Variants in FAM114A1 observed in about 807,000 individuals in gnomAD.
FAM114A1 encodes the protein family with sequence similarity 114 member A1.
In FAM114A1, 62 loss-of-function variants were observed where a neutral mutation model predicts 64.3. The observed-to-expected ratio is 0.96, with a 90% CI of 0.79 to 1.19. FAM114A1 has a LOEUF of 1.19. Among genes scored for constraint, FAM114A1 ranks in the 50% most tolerant of loss-of-function variants. FAM114A1 has a pLI of 0.00. For synonymous variants in FAM114A1, 254 were observed against 251.1 expected (o/e 1.01, Z -0.11); for missense variants, 645 against 676.3 (o/e 0.95, Z 0.51).
At position 38,905,571 on chromosome 4, in the gene FAM114A1, T is replaced by A; in HGVS notation, c.486T>A (p.Ile162=). Residue 162 remains isoleucine (I), a synonymous_variant, in exon 5 of 15, where the codon ATT becomes ATA. Transcript: ENST00000358869. ...VKEKAGATLR[I]HGVNSGSSEG... ...AAAAAGCAGGAGCCACTCTACGGATTCATGGTGTAAATTCTGGATCTTCTG... is the reference window on the plus strand; with the variant it reads ...AAAAAGCAGGAGCCACTCTACGGATACATGGTGTAAATTCTGGATCTTCTG... 1.2e-6 allele frequency: 2 copies of A among 1,614,162 alleles called. No homozygotes were observed. Among genetic ancestry groups the A allele is most frequent in the Non-Finnish European group, 1.7e-6 (2 of 1,180,024 alleles).
At chr4:38,893,167 C>T (rs1432904220) in intron 4 of FAM114A1, among the ~76,000 whole-genome samples, 1 of 152,278 alleles carries the variant, frequency 6.6e-6, no homozygotes, top group East Asian at 1.9e-4. Context: ...CACCTGCAGG[C>T]ATCCTCTGTC....
chr4:38,886,572 G>A (rs1269221443), intron 3 of FAM114A1, among the ~76,000 whole-genome samples: 1 of 151,972 alleles, frequency 6.6e-6, no homozygotes, highest in Non-Finnish European at 1.5e-5. Context: ...TTCATTTGTT[G>A]GCTTTAAGAT....
Position 38,878,348 on chromosome 4 carries a change from A to C in FAM114A1, c.270A>C (p.Thr90=). 6.2e-7 allele frequency: 1 copy of C among 1,614,046 alleles called. No homozygotes were observed. The highest frequency in any genetic ancestry group is 8.5e-7 in the Non-Finnish European group (1 of 1,179,958). ...TCAATGGAGACGTGACTGAGGATAC[A>C]CTTGCTGAATGTATTGATTCCGTCA... The part of the protein sequence containing the change: ...PPLNGDVTED[T]LAECIDSVSL... The change falls in exon 3 of 15, where the codon ACA becomes ACC. Residue 90 remains threonine, a synonymous_variant. Coordinates refer to ENST00000358869, the MANE Select transcript of FAM114A1 (RefSeq NM_138389.4).
At chr4:38,886,314 G>T (rs901137028) in intron 3 of FAM114A1, among the ~76,000 whole-genome samples, 2 of 151,676 alleles carry the variant, frequency 1.3e-5, no homozygotes, top group African/African-American at 4.8e-5. Flanking sequence ...CGGGATTACA[G>T]CATGCGCCAC....
In FAM114A1 at chr4:38,874,615, T is replaced by C. The variant is rs946510208; in HGVS notation, c.-8-3456T>C. On this transcript the variant is annotated intron_variant, in intron 2 of 14. Transcript: ENST00000358869. ...AAATATTTTCTGCCATTATGTAAGTTGTCTATTTATTCTGTTGGTAGTTTC... is the reference window on the plus strand; with the variant it reads ...AAATATTTTCTGCCATTATGTAAGTCGTCTATTTATTCTGTTGGTAGTTTC... Among the ~76,000 whole-genome samples the C allele has an allele frequency of 3.3e-5, 5 of 152,318 alleles. No individual in the cohort carries two copies. In the Middle Eastern group the frequency reaches 0.01, roughly 311 times the overall value.
chr4:38,868,056 TGA>T, intron 1 of FAM114A1: 1 of 421,802 alleles, frequency 2.4e-6, no homozygotes. Flanking sequence ...TGCGGGCGTG[TGA>T]GTGTGTGTGT....
At chr4:38,877,029 AC>A in intron 2 of FAM114A1, among the ~76,000 whole-genome samples, 1 of 152,118 alleles carries the variant, frequency 6.6e-6, no homozygotes, top group Non-Finnish European at 1.5e-5. Flanking sequence ...TATCTTACTC[AC>A]ATCTGCAAGG....
intron 2 of FAM114A1, among the ~76,000 whole-genome samples, chr4:38,874,595 T>C (rs541023204): frequency 6.6e-6 from 1 of 152,342 alleles, no homozygotes; most frequent in African/African-American, 2.4e-5. Flanking sequence ...GTTGCAAATA[T>C]TTTCTGCCAT....
intron 12 of FAM114A1, among the ~76,000 whole-genome samples, chr4:38,932,916 C>T (rs1300071045): frequency 4.7e-5 from 7 of 149,870 alleles, no homozygotes; most frequent in East Asian, 2.0e-4. Context: ...TACAGTGTCA[C>T]GATCTCAACT....
At chr4:38,889,226 G>T (rs1332573923) in intron 3 of FAM114A1, among the ~76,000 whole-genome samples, 1 of 152,132 alleles carries the variant, frequency 6.6e-6, no homozygotes, top group East Asian at 1.9e-4. Context: ...GTGAAAGAAT[G>T]ATATTAATCA....
chr4:38,944,068 C>CTT lies in FAM114A1; in HGVS notation c.*529_*530dup, dbSNP rs749204163. ...TAAAAAATAGGAACATATTGTCATT[C>CTT]TTTTTTTTTTTTTTTTTTTGAGACA... is the stretch of plus-strand genomic sequence containing the variant. On this transcript the variant is annotated 3_prime_UTR_variant, in exon 15 of 15. Coordinates refer to ENST00000358869, the MANE Select transcript of FAM114A1 (RefSeq NM_138389.4). 2.2e-4 allele frequency: 27 copies of CTT among 122,166 alleles called. No homozygotes were observed. The highest frequency in any genetic ancestry group is 1.0e-3 in the South Asian group (4 of 3,816). 7.6% of individuals were successfully genotyped at this position (122,166 alleles called of 1,614,324 possible).
intron 6 of FAM114A1, among the ~76,000 whole-genome samples, chr4:38,907,681 A>C (rs1051693289): frequency 6.6e-6 from 1 of 152,246 alleles, no homozygotes; most frequent in African/African-American, 2.4e-5. Flanking sequence ...CTATGAAATT[A>C]AATACTTCTA....
intron 12 of FAM114A1, 66 bp from the exon 13 acceptor site, chr4:38,935,652 G>A (rs1721015138): frequency 8.8e-7 from 1 of 1,132,808 alleles, no homozygotes. Context: ...ATCAGAAATG[G>A]TCGTGACAGT....
rs750706085 is a variant in FAM114A1, at chr4:38,905,493, T to G, written c.437-29T>G. On this transcript the variant is annotated intron_variant, in intron 4 of 14. Coordinates refer to ENST00000358869, the MANE Select transcript of FAM114A1 (RefSeq NM_138389.4). The stretch of plus-strand genomic sequence containing the variant: ...TTGCAGACCGTGGATTTCTAATGTA[T>G]CCATGAACCATATTTTTATTTCCAA... 2.4e-5 allele frequency: 37 copies of G among 1,527,228 alleles called. No individual in the cohort carries two copies. The South Asian group carries it at 3.7e-4, about 15-fold the overall frequency. 94.6% of individuals were successfully genotyped at this position (1,527,228 alleles called of 1,614,324 possible).
At chr4:38,910,712 C>T (rs536923882) in intron 7 of FAM114A1, among the ~76,000 whole-genome samples, 2 of 152,224 alleles carry the variant, frequency 1.3e-5, no homozygotes, top group Admixed American at 1.3e-4. Flanking sequence ...CATGCAGGAA[C>T]CTGAGTAAAG....
rs1392224764 is a variant in FAM114A1, at chr4:38,941,080, T to TC, written c.1590+59_1590+60insC. ...TCAAAGTAAATGTTAGAACTACTTT[T>TC]TTTTTTTTTTGCCTTTCTTCCCCCA... is the stretch of plus-strand genomic sequence containing the variant. On this transcript the variant is annotated intron_variant, in intron 14 of 14. Transcript: ENST00000358869. 4 of 1,511,332 alleles carry TC rather than the reference T, an allele frequency of 2.6e-6. No individual in the cohort carries two copies. The Admixed American group carries it at 7.9e-5, about 30-fold the overall frequency. The allele number at this position is 1,511,332 out of a possible 1,614,324, so 93.6% of individuals were successfully genotyped here.
intron 3 of FAM114A1, among the ~76,000 whole-genome samples, chr4:38,882,003 T>A (rs1445177561): frequency 6.6e-6 from 1 of 152,206 alleles, no homozygotes; most frequent in Non-Finnish European, 1.5e-5. Context: ...TAAATTCTCA[T>A]CAGCCCTTTA....
At chr4:38,917,287 G>A (rs975008564) in intron 8 of FAM114A1, among the ~76,000 whole-genome samples, 1 of 151,982 alleles carries the variant, frequency 6.6e-6, no homozygotes, top group African/African-American at 2.4e-5. Flanking sequence ...GCAGTAAGCC[G>A]AGATCGTGCC....
chr4:38,906,678 G>A (rs1391394941), intron 6 of FAM114A1, among the ~76,000 whole-genome samples: 1 of 152,030 alleles, frequency 6.6e-6, no homozygotes, highest in African/African-American at 2.4e-5. Context: ...GGGATTACAG[G>A]TGCCCACCAC....
Sources: allele counts gnomAD v4.1 joint callset (sites outside exome capture counted in the v4.1 genomes callset), GRCh38; gene constraint gnomAD v4.1.1; transcripts MANE v1.5; gene names NCBI Gene and HGNC (gene_info 2026-07-23, HGNC 2026-07-21).